CWC22: variants seen among roughly 807,000 people sequenced by gnomAD.
CWC22 encodes pre-mRNA-splicing factor CWC22 homolog.
CWC22 carries 53 observed loss-of-function variants against 117.2 expected under a neutral mutation model. The observed-to-expected ratio is 0.45, with a 90% CI of 0.36 to 0.57. The LOEUF is 0.57. CWC22 is among the 20% of genes least tolerant of loss of function. The pLI, the probability that CWC22 is intolerant of heterozygous loss-of-function variation, is 0.00. For missense variants in CWC22, 980 were observed against 1,068.8 expected (o/e 0.92, Z 1.16); for synonymous variants, 360 against 355.6 (o/e 1.01, Z -0.14).
intron 17 of CWC22, 58 bp from the exon 18 acceptor site, chr2:179,950,984 A>C (rs530290211): frequency 2.8e-6 from 3 of 1,062,130 alleles, no homozygotes; most frequent in African/African-American, 3.2e-5. Flanking sequence ...AAAAGGTAAA[A>C]TCCTTAGTCA....
intron 2 of CWC22, among the ~76,000 whole-genome samples, chr2:179,993,045 G>A (rs1687610393): frequency 6.6e-6 from 1 of 152,138 alleles, no homozygotes; most frequent in African/African-American, 2.4e-5. Flanking sequence ...ACACACTTCT[G>A]TATGTTCTCA....
chr2:179,980,837 T>C (rs13026212), intron 5 of CWC22, among the ~76,000 whole-genome samples: 3 of 152,222 alleles, frequency 2.0e-5, no homozygotes, highest in Admixed American at 1.3e-4. Flanking sequence ...TAATACCTTC[T>C]ATCCCAATCT....
intron 13 of CWC22, among the ~76,000 whole-genome samples, chr2:179,960,511 T>C (rs894062028): frequency 3.9e-5 from 6 of 152,034 alleles, no homozygotes; most frequent in Non-Finnish European, 7.4e-5. Context: ...AATACATTCT[T>C]ATTCACAAAT....
chr2:179,993,798 T>A (rs1318232010), intron 1 of CWC22, among the ~76,000 whole-genome samples: 1 of 152,030 alleles, frequency 6.6e-6, no homozygotes, highest in East Asian at 1.9e-4. Context: ...TGTGATATTA[T>A]TAAAAAAAAC....
At position 179,965,951 on chromosome 2, in the gene CWC22, G is replaced by A. The variant is rs761907610; in HGVS notation, c.1242C>T (p.Asn414=). The A allele has an allele frequency of 6.2e-7, 1 of 1,611,986 alleles. No homozygotes were observed. The highest frequency in any genetic ancestry group is 8.5e-7 in the Non-Finnish European group (1 of 1,178,546). The part of the protein sequence containing the change: ...EILDEGDTDS[N]TDQDAGSSEE... Reference sequence around the variant, plus strand: ...CACTACTCCCAGCATCCTGGTCTGTGTTCGAGTCAGTATCTCCCTCATCAA... The same window carrying A: ...CACTACTCCCAGCATCCTGGTCTGTATTCGAGTCAGTATCTCCCTCATCAA... Residue 414 remains asparagine, a synonymous_variant, in exon 12 of 20, where the codon AAC becomes AAT. Transcript: ENST00000410053.
intron 4 of CWC22, among the ~76,000 whole-genome samples, chr2:179,983,346 A>G (rs1338250643): frequency 2.6e-5 from 4 of 152,132 alleles, no homozygotes; most frequent in African/African-American, 9.7e-5. Context: ...TCCCACTTAT[A>G]AATGAGAACA....
chr2:179,963,132 A>G (rs938122702), intron 13 of CWC22, among the ~76,000 whole-genome samples: 1 of 151,904 alleles, frequency 6.6e-6, no homozygotes, highest in African/African-American at 2.4e-5. Context: ...CGTTTCTTTT[A>G]AATAATTATT....
intron 13 of CWC22, among the ~76,000 whole-genome samples, chr2:179,960,230 T>G (rs1338112459): frequency 1.3e-5 from 2 of 152,030 alleles, no homozygotes; most frequent in African/African-American, 4.8e-5. Flanking sequence ...GATAATCCCA[T>G]ATTACAGCAC....
intron 19 of CWC22, among the ~76,000 whole-genome samples, chr2:179,946,327 TG>T (rs1686298216): frequency 6.6e-6 from 1 of 151,570 alleles, no homozygotes; most frequent in Non-Finnish European, 1.5e-5. Flanking sequence ...GGCGTCAGCC[TG>T]TAGTCACAGC....
In CWC22 at chr2:179,993,790, T is replaced by G. The variant is rs147145287; in HGVS notation, c.-113-336A>C. Reference sequence around the variant, plus strand: ...ATACCTACATCATAAAATAGTAGTGTGATATTATTAAAAAAAACCTGAGGA... The same window carrying G: ...ATACCTACATCATAAAATAGTAGTGGGATATTATTAAAAAAAACCTGAGGA... On this transcript the variant is annotated intron_variant, in intron 1 of 19. Transcript: ENST00000410053. 2.2e-4 allele frequency among the ~76,000 whole-genome samples: 34 copies of G among 152,156 alleles called. No homozygotes were observed. The East Asian group carries it at 5.8e-3, about 26-fold the overall frequency.
At position 179,959,049 on chromosome 2, in the gene CWC22, C is replaced by A; in HGVS notation, c.1431G>T (p.Leu477=). 6.4e-7 allele frequency: 1 copy of A among 1,571,702 alleles called. No individual in the cohort carries two copies. Among genetic ancestry groups the A allele is most frequent in the East Asian group, 2.3e-5 (1 of 43,334 alleles). Residue 477 remains leucine (L), a synonymous_variant, in exon 14 of 20, where the codon CTG becomes CTT. Transcript: ENST00000410053. The stretch of plus-strand genomic sequence containing the variant: ...TTTGGCTTTCAGGAAACTCCATTTT[C>A]AGCAATTTGTGAGCACATTCTTCAA... ...LDFEECAHKL[L]KMEFPESQTK... is the part of the protein sequence containing the mutation.
At chr2:180,001,740 T>C (rs1266083567) in intron 1 of CWC22, among the ~76,000 whole-genome samples, 1 of 152,208 alleles carries the variant, frequency 6.6e-6, no homozygotes. Context: ...TGTTGCTAAA[T>C]CCAGGGGCAG....
chr2:179,980,769 A>T (rs947736344), intron 5 of CWC22, among the ~76,000 whole-genome samples: 2 of 152,168 alleles, frequency 1.3e-5, no homozygotes, highest in South Asian at 2.1e-4. Flanking sequence ...TCATGAAAAG[A>T]TGTGGAAATA....
At chr2:180,002,337 G>C (rs1687867372) in intron 1 of CWC22, among the ~76,000 whole-genome samples, 1 of 152,162 alleles carries the variant, frequency 6.6e-6, no homozygotes, top group African/African-American at 2.4e-5. Context: ...TATATAGGAG[G>C]CTGGGGGAAG....
At chr2:179,975,032 C>T (rs775262960) in intron 6 of CWC22, among the ~76,000 whole-genome samples, 18 of 152,102 alleles carry the variant, frequency 1.2e-4, no homozygotes, top group Non-Finnish European at 2.6e-4. Context: ...AGGATTACAG[C>T]GACCGTGCCT....
Position 179,959,043 on chromosome 2 carries a change from C to A in CWC22, c.1437G>T (p.Met479Ile). Reference protein sequence around the residue: ...FEECAHKLLKMEFPESQTKEL... With the variant: ...FEECAHKLLKIEFPESQTKEL... ...ATACTGTTTGGCTTTCAGGAAACTC[C>A]ATTTTCAGCAATTTGTGAGCACATT... Residue 479 changes from methionine to isoleucine, a missense_variant, in exon 14 of 20, where the codon ATG becomes ATT. Physicochemically the swap from Met to Ile is conservative, Grantham distance 10 (BLOSUM62 1). This residue lies in a region of CWC22 where 559 missense variants were observed against 602.3 expected (regional missense o/e 0.93). Coordinates refer to ENST00000410053, the MANE Select transcript of CWC22 (RefSeq NM_020943.3). 1 of 1,570,084 alleles carries A rather than the reference C, an allele frequency of 6.4e-7. No individual in the cohort carries two copies. The highest frequency in any genetic ancestry group is 8.7e-7 in the Non-Finnish European group (1 of 1,154,628).
chr2:180,006,235 C>T (rs750991921), intron 1 of CWC22, among the ~76,000 whole-genome samples: 22 of 152,310 alleles, frequency 1.4e-4, no homozygotes, highest in Non-Finnish European at 2.6e-4. Context: ...AGCCTTTCTC[C>T]AAATCCTGCC....
intron 2 of CWC22, 125 bp downstream of exon 2, chr2:179,993,190 G>T: frequency 1.4e-6 from 1 of 705,546 alleles, no homozygotes; most frequent in Non-Finnish European, 2.4e-6. Context: ...AATTACTTTT[G>T]CACCAACCTA....
At chr2:179,953,156 T>G (rs1353185767) in intron 16 of CWC22, among the ~76,000 whole-genome samples, 1 of 151,660 alleles carries the variant, frequency 6.6e-6, no homozygotes, top group East Asian at 1.9e-4. Flanking sequence ...GTTGGTTAAT[T>G]GTTTAAAATT....
Sources: allele counts gnomAD v4.1 joint callset (sites outside exome capture counted in the v4.1 genomes callset), GRCh38; gene constraint gnomAD v4.1.1; regional missense constraint gnomAD v4.1.1; transcripts MANE v1.5; gene names NCBI Gene and HGNC (gene_info 2026-07-23, HGNC 2026-07-21).